EXOC6B: variants seen among roughly 807,000 people sequenced by gnomAD.
The protein encoded by EXOC6B is exocyst complex component 6B.
Under a neutral mutation model 113.5 loss-of-function variants are expected in EXOC6B, and 54 were observed. The observed-to-expected ratio is 0.48, with a 90% confidence interval of 0.38 to 0.60. The LOEUF (loss-of-function observed/expected upper bound fraction) is 0.60, where lower values mean the gene tolerates loss of function less well. EXOC6B is among the 20% of genes least tolerant of loss of function. The probability of loss-of-function intolerance (pLI) is 0.00; values close to 1 mark genes in which losing one functional copy is unlikely to be tolerated. For missense variants in EXOC6B, 797 were observed against 977.5 expected (o/e 0.82, Z 2.46); for synonymous variants, 357 against 339.0 (o/e 1.05, Z -0.58).
chr2:72,482,056 AT>A (rs1240320557), intron 16 of EXOC6B, among the ~76,000 whole-genome samples: 1 of 152,238 alleles, frequency 6.6e-6, no homozygotes, highest in African/African-American at 2.4e-5. Flanking sequence ...AATGAAACTA[AT>A]ACTACGTCCT....
intron 1 of EXOC6B, among the ~76,000 whole-genome samples, chr2:72,751,863 G>C (rs1682065273): frequency 6.6e-6 from 1 of 152,034 alleles, no homozygotes; most frequent in African/African-American, 2.4e-5. Flanking sequence ...TAATGAAGTT[G>C]TGATCCTCAA....
chr2:72,530,758 T>A (rs1035035316), intron 8 of EXOC6B, among the ~76,000 whole-genome samples: 2 of 152,160 alleles, frequency 1.3e-5, no homozygotes, highest in East Asian at 3.8e-4. Flanking sequence ...TTTTGTTGTT[T>A]GGGGCATAAT....
chr2:72,723,194 T>C (rs374799402), intron 5 of EXOC6B, among the ~76,000 whole-genome samples: 1 of 152,202 alleles, frequency 6.6e-6, no homozygotes, highest in African/African-American at 2.4e-5. Context: ...CCAAACATTA[T>C]TAAAACTGAA....
In EXOC6B at chr2:72,377,459, A is replaced by T. The variant is rs544794562; in HGVS notation, c.2122+2270T>A. On this transcript the variant is annotated intron_variant, in intron 19 of 21. Transcript: ENST00000272427. ...CAAGATATGGAATCAATCTAAGTGT[A>T]TATCAATGGAGGAATGCATAAAGAA... Among the ~76,000 whole-genome samples the T allele has an allele frequency of 5.9e-5, 9 of 152,312 alleles. No homozygotes were observed. The East Asian group carries it at 1.7e-3, about 29-fold the overall frequency.
chr2:72,731,134 T>C, intron 4 of EXOC6B, 21 bp downstream of exon 4: 1 of 1,603,364 alleles, frequency 6.2e-7, no homozygotes, highest in Non-Finnish European at 8.5e-7. Context: ...CAAGAATCCT[T>C]CTCCATTTCC....
chr2:72,576,572 A>C (rs995224698), intron 6 of EXOC6B, among the ~76,000 whole-genome samples: 2 of 152,202 alleles, frequency 1.3e-5, no homozygotes, highest in Middle Eastern at 3.4e-3. Flanking sequence ...CCTAAATTTC[A>C]AATCAGTGAC....
chr2:72,766,812 G>A (rs1233148162), intron 1 of EXOC6B, among the ~76,000 whole-genome samples: 1 of 151,726 alleles, frequency 6.6e-6, no homozygotes, highest in Non-Finnish European at 1.5e-5. Context: ...AAATCAGCCG[G>A]GCGTAGTGGT....
At chr2:72,642,642 A>G (rs1166181975) in intron 6 of EXOC6B, among the ~76,000 whole-genome samples, 1 of 147,608 alleles carries the variant, frequency 6.8e-6, no homozygotes, top group East Asian at 2.0e-4. Context: ...TAAACGTTAG[A>G]CCTAAAACCA....
At chr2:72,588,945 C>T (rs1323698312) in intron 6 of EXOC6B, among the ~76,000 whole-genome samples, 1 of 151,952 alleles carries the variant, frequency 6.6e-6, no homozygotes, top group Non-Finnish European at 1.5e-5. Context: ...CATATACGCA[C>T]TCACACCAAC....
chr2:72,657,335 C>T (rs1428408447), intron 6 of EXOC6B, among the ~76,000 whole-genome samples: 1 of 149,106 alleles, frequency 6.7e-6, no homozygotes, highest in Non-Finnish European at 1.5e-5. Flanking sequence ...AAGCAATTCT[C>T]TTGCCTCAGG....
In EXOC6B at chr2:72,723,194, T is replaced by A. The variant is rs374799402; in HGVS notation, c.465-4887A>T. Among the ~76,000 whole-genome samples, 23 of 152,320 alleles carry A rather than the reference T, an allele frequency of 1.5e-4. 2 individuals carry two copies. Among genetic ancestry groups the A allele is most frequent in the African/African-American group, 4.6e-4 (19 of 41,566 alleles). ...TACTTTTGACAATCTCCAAACATTA[T>A]TAAAACTGAATCAAAAGGCAAATTC... On this transcript the variant is annotated intron_variant, in intron 5 of 21. Transcript: ENST00000272427.
intron 1 of EXOC6B, among the ~76,000 whole-genome samples, chr2:72,784,120 C>A (rs1012337778): frequency 6.6e-6 from 1 of 152,130 alleles, no homozygotes; most frequent in Non-Finnish European, 1.5e-5. Context: ...CCAATGTATG[C>A]TTTGGGTGCC....
At chr2:72,804,015 A>G (rs1248154922) in intron 1 of EXOC6B, among the ~76,000 whole-genome samples, 1 of 152,202 alleles carries the variant, frequency 6.6e-6, no homozygotes, top group Admixed American at 6.5e-5. Context: ...TTAGGCTGAC[A>G]GGAGCTTCTG....
chr2:72,263,937 A>AGG (rs1559072732), intron 20 of EXOC6B, among the ~76,000 whole-genome samples: 3 of 152,162 alleles, frequency 2.0e-5, no homozygotes, highest in South Asian at 2.1e-4. Flanking sequence ...AGCCAGCCAG[A>AGG]CAGGCAGGCA....
intron 20 of EXOC6B, among the ~76,000 whole-genome samples, chr2:72,332,647 T>C (rs905430349): frequency 2.0e-5 from 3 of 152,098 alleles, no homozygotes; most frequent in Non-Finnish European, 2.9e-5. Flanking sequence ...AAGGAAGATA[T>C]TCAATCAAAG....
At chr2:72,251,242 CTT>C in intron 20 of EXOC6B, among the ~76,000 whole-genome samples, 1 of 152,228 alleles carries the variant, frequency 6.6e-6, no homozygotes, top group East Asian at 1.9e-4. Context: ...AAACTAATCT[CTT>C]AGGTTTTCTA....
chr2:72,290,361 A>G (rs1404121023), intron 20 of EXOC6B, among the ~76,000 whole-genome samples: 1 of 152,212 alleles, frequency 6.6e-6, no homozygotes, highest in Non-Finnish European at 1.5e-5. Flanking sequence ...TTTTGTCCAT[A>G]ATAGATGATG....
chr2:72,640,437 G>A (rs763680920), intron 6 of EXOC6B, among the ~76,000 whole-genome samples: 18 of 152,148 alleles, frequency 1.2e-4, no homozygotes, highest in African/African-American at 2.9e-4. Context: ...CTCAGAAAAC[G>A]TATTTCAGGA....
chr2:72,254,174 A>T (rs542447732), intron 20 of EXOC6B, among the ~76,000 whole-genome samples: 93 of 152,186 alleles, frequency 6.1e-4, no homozygotes, highest in African/African-American at 2.1e-3. Context: ...AAAAAAAGAT[A>T]TGTTCAAGTC....
Sources: gnomAD v4.1 joint callset for allele counts (sites outside exome capture counted in the v4.1 genomes callset) on GRCh38, gnomAD v4.1.1 for gene constraint, MANE v1.5 for transcripts, NCBI Gene and HGNC (gene_info 2026-07-23, HGNC 2026-07-21) for gene names.